The following CTNNA3 variants were observed in gnomAD, a reference collection of about 807,000 sequenced individuals.
CTNNA3 encodes the protein catenin alpha 3, also known as catenin alpha-3.
A neutral mutation model predicts 95.7 loss-of-function variants in CTNNA3; 76 were observed. The observed-to-expected ratio is 0.79, with a 90% CI of 0.66 to 0.96. CTNNA3 has a LOEUF of 0.96. Ranked by LOEUF, CTNNA3 falls within the 40% of genes least tolerant of loss-of-function variation. The pLI is 0.00. For synonymous variants in CTNNA3, 431 were observed against 374.4 expected (o/e 1.15, Z -1.74); for missense variants, 1,191 against 1,089.8 (o/e 1.09, Z -1.31).
At chr10:67,512,632 T>A (rs1221667110) in intron 5 of CTNNA3, among the ~76,000 whole-genome samples, 1 of 152,076 alleles carries the variant, frequency 6.6e-6, no homozygotes, top group African/African-American at 2.4e-5. Flanking sequence ...CTGAACCAGA[T>A]GATGCTTATA....
intron 5 of CTNNA3, among the ~76,000 whole-genome samples, chr10:67,476,351 A>AG (rs1264422293): frequency 2.0e-5 from 3 of 151,630 alleles, no homozygotes; most frequent in Admixed American, 2.0e-4. Context: ...TCCAGCCATC[A>AG]GGGGGCACTC....
chr10:67,103,452 T>C (rs1458058398), intron 7 of CTNNA3, among the ~76,000 whole-genome samples: 3 of 151,778 alleles, frequency 2.0e-5, no homozygotes, highest in Non-Finnish European at 4.4e-5. Context: ...CCCATGAATA[T>C]AACAACTGAA....
At chr10:66,838,515 G>C (rs1184603380) in intron 7 of CTNNA3, among the ~76,000 whole-genome samples, 1 of 152,020 alleles carries the variant, frequency 6.6e-6, no homozygotes, top group Non-Finnish European at 1.5e-5. Context: ...GAGCTATGTT[G>C]GGGAAGATGG....
At chr10:67,758,770 G>A (rs1841447537) in intron 1 of CTNNA3, among the ~76,000 whole-genome samples, 1 of 31,308 alleles carries the variant, frequency 3.2e-5, no homozygotes, top group African/African-American at 5.5e-5. Context: ...ATCTGATTTG[G>A]TTTAAAAAAA....
chr10:66,611,574 T>C (rs531099174), intron 10 of CTNNA3, among the ~76,000 whole-genome samples: 1 of 152,152 alleles, frequency 6.6e-6, no homozygotes, highest in African/African-American at 2.4e-5. Context: ...TCTAGGAATA[T>C]AGCTTCTGGC....
At chr10:66,026,389 C>T (rs1370395973) in intron 15 of CTNNA3, among the ~76,000 whole-genome samples, 1 of 152,072 alleles carries the variant, frequency 6.6e-6, no homozygotes, top group Non-Finnish European at 1.5e-5. Context: ...GTTTTTATCC[C>T]TTTCTTCCGG....
At chr10:67,328,624 C>T (rs1377923620) in intron 5 of CTNNA3, among the ~76,000 whole-genome samples, 1 of 152,204 alleles carries the variant, frequency 6.6e-6, no homozygotes, top group Non-Finnish European at 1.5e-5. Context: ...TCCCTCAGAG[C>T]CACTGGGGGC....
At chr10:66,902,062 A>C (rs956287753) in intron 7 of CTNNA3, among the ~76,000 whole-genome samples, 2 of 152,140 alleles carry the variant, frequency 1.3e-5, no homozygotes, top group African/African-American at 4.8e-5. Context: ...CTCCACCCCA[A>C]ATCAACACAA....
chr10:66,693,591 C>T (rs955796899), intron 9 of CTNNA3, among the ~76,000 whole-genome samples: 2 of 151,916 alleles, frequency 1.3e-5, no homozygotes. Flanking sequence ...GAATTGAACT[C>T]AGTTCTGCAC....
chr10:66,072,403 C>A (rs2080457897), intron 14 of CTNNA3, among the ~76,000 whole-genome samples: 1 of 151,940 alleles, frequency 6.6e-6, no homozygotes, highest in East Asian at 1.9e-4. Flanking sequence ...TTTGTAACTC[C>A]TGAAAGTGCT....
chr10:66,776,963 A>AACACAACAT (rs1199108778), intron 7 of CTNNA3, among the ~76,000 whole-genome samples: 1 of 152,172 alleles, frequency 6.6e-6, no homozygotes, highest in Admixed American at 6.6e-5. Context: ...TTTAATTCAA[A>AACACAACAT]ACACAACATA....
chr10:66,954,759 C>G (rs1199892326), intron 7 of CTNNA3, among the ~76,000 whole-genome samples: 1 of 152,118 alleles, frequency 6.6e-6, no homozygotes, highest in African/African-American at 2.4e-5. Flanking sequence ...GCGGAATCGA[C>G]TGCTACTTTT....
chr10:66,522,497 T>C (rs372017762), intron 10 of CTNNA3, among the ~76,000 whole-genome samples: 1 of 152,030 alleles, frequency 6.6e-6, no homozygotes, highest in African/African-American at 2.4e-5. Flanking sequence ...CGAGATCTGA[T>C]AGTTTCATAA....
intron 5 of CTNNA3, among the ~76,000 whole-genome samples, chr10:67,444,551 C>T (rs1846664195): frequency 6.6e-6 from 1 of 151,670 alleles, no homozygotes; most frequent in African/African-American, 2.4e-5. Flanking sequence ...ATGATCAGAG[C>T]AGACATAAGT....
intron 11 of CTNNA3, among the ~76,000 whole-genome samples, chr10:66,389,291 G>A (rs2092917554): frequency 6.6e-6 from 1 of 152,042 alleles, no homozygotes; most frequent in Non-Finnish European, 1.5e-5. Context: ...AAGAGAATAT[G>A]TTATTATAGA....
At chr10:67,438,208 C>A (rs1846372074) in intron 5 of CTNNA3, among the ~76,000 whole-genome samples, 1 of 152,154 alleles carries the variant, frequency 6.6e-6, no homozygotes, top group Non-Finnish European at 1.5e-5. Context: ...GTTCCCACCA[C>A]CCCTCCTAAA....
At chr10:66,292,094 C>T (rs1287319773) in intron 12 of CTNNA3, among the ~76,000 whole-genome samples, 3 of 150,458 alleles carry the variant, frequency 2.0e-5, no homozygotes, top group African/African-American at 2.5e-5. Context: ...CACACACACA[C>T]ATATATATAT....
At chr10:66,500,639 T>C (rs993730048) in intron 11 of CTNNA3, among the ~76,000 whole-genome samples, 1 of 151,786 alleles carries the variant, frequency 6.6e-6, no homozygotes, top group African/African-American at 2.4e-5. Flanking sequence ...AGACAGTGAA[T>C]GCATATTTGC....
At chr10:66,144,482 T>C (rs1010656014) in intron 13 of CTNNA3, among the ~76,000 whole-genome samples, 1 of 151,862 alleles carries the variant, frequency 6.6e-6, no homozygotes, top group African/African-American at 2.4e-5. Flanking sequence ...TTAATTTATA[T>C]TTATTTATTT....
Sources: allele counts gnomAD v4.1 joint callset (sites outside exome capture counted in the v4.1 genomes callset), GRCh38; gene constraint gnomAD v4.1.1; transcripts MANE v1.5; gene names NCBI Gene and HGNC (gene_info 2026-07-23, HGNC 2026-07-21).